Variants in DAB1 observed in about 807,000 individuals in gnomAD.
DAB1 encodes DAB adaptor protein 1, also known as disabled homolog 1.
Under a neutral mutation model 64.6 loss-of-function variants are expected in DAB1, and 15 were observed. The ratio of observed to expected loss-of-function variants is 0.23; its 90% CI spans 0.16 to 0.36. The LOEUF (loss-of-function observed/expected upper bound fraction) is 0.36. Ranked by LOEUF, DAB1 falls within the 10% of genes least tolerant of loss-of-function variation. The probability of loss-of-function intolerance (pLI) is 1.00; values close to 1 mark genes in which losing one functional copy is unlikely to be tolerated. For missense variants in DAB1, 596 were observed against 706.7 expected, an observed-to-expected ratio of 0.84 and a Z score of 1.78; for synonymous variants, 235 against 251.9, an observed-to-expected ratio of 0.93 and a Z score of 0.64.
At chr1:57,871,584 G>A (rs752210740) in intron 1 of DAB1, among the ~76,000 whole-genome samples, 5 of 152,126 alleles carry the variant, frequency 3.3e-5, no homozygotes, top group Admixed American at 1.3e-4. Flanking sequence ...GCAAAGCTGG[G>A]ATCCTAACAG....
chr1:57,432,424 AGAGAT>A (rs1685551545), intron 7 of DAB1, among the ~76,000 whole-genome samples: 1 of 152,134 alleles, frequency 6.6e-6, no homozygotes, highest in Admixed American at 6.6e-5. Flanking sequence ...ACTAGAATTT[AGAGAT>A]GGTTAGATGG....
intron 6 of DAB1, among the ~76,000 whole-genome samples, chr1:57,737,113 G>T (rs910407039): frequency 6.6e-6 from 1 of 152,214 alleles, no homozygotes; most frequent in South Asian, 2.1e-4. Context: ...GTGGCTTCCG[G>T]TGGAGGCATC....
chr1:58,226,902 C>T (rs994158685), intron 4 of DAB1, among the ~76,000 whole-genome samples: 7 of 152,104 alleles, frequency 4.6e-5, no homozygotes, highest in Admixed American at 6.5e-5. Flanking sequence ...CAATGTCTTC[C>T]GGAGGAACCC....
chr1:57,725,223 C>T lies in DAB1; in HGVS notation n.552-75558G>A, dbSNP rs148051809. 3.2e-3 allele frequency among the ~76,000 whole-genome samples: 492 copies of T among 152,304 alleles called. 3 individuals carry two copies. Among genetic ancestry groups the T allele is most frequent in the Non-Finnish European group, 5.6e-3 (383 of 68,024 alleles). On this transcript the variant is annotated intron_variant and non_coding_transcript_variant, in intron 6 of 20. Transcript: ENST00000485760. The stretch of plus-strand genomic sequence containing the variant: ...CCTATTTTCCTATCTCTATGTTTAA[C>T]AATTCTGAAATCATGCAGGAACGAT...
intron 4 of DAB1, among the ~76,000 whole-genome samples, chr1:57,119,104 A>G (rs1006346901): frequency 5.9e-5 from 9 of 152,138 alleles, no homozygotes; most frequent in African/African-American, 2.2e-4. Context: ...ACTTGTCTCA[A>G]CTGGATCTAC....
intron 5 of DAB1, among the ~76,000 whole-genome samples, chr1:57,931,552 T>G (rs1396971139): frequency 2.0e-5 from 3 of 152,186 alleles, no homozygotes; most frequent in Non-Finnish European, 2.9e-5. Flanking sequence ...CTTGGATCGA[T>G]TGTGTCTTCT....
chr1:58,394,493 A>G (rs1569723514), intron 3 of DAB1, among the ~76,000 whole-genome samples: 1 of 152,162 alleles, frequency 6.6e-6, no homozygotes, highest in Non-Finnish European at 1.5e-5. Context: ...GAATGGTTAA[A>G]TAAATTGCAG....
At chr1:58,419,702 G>C (rs1324540330) in intron 3 of DAB1, among the ~76,000 whole-genome samples, 2 of 152,210 alleles carry the variant, frequency 1.3e-5, no homozygotes. Context: ...TGGACAGTGG[G>C]AGAAAGGGAG....
At chr1:57,129,214 A>G (rs556714058) in intron 4 of DAB1, among the ~76,000 whole-genome samples, 1 of 152,274 alleles carries the variant, frequency 6.6e-6, no homozygotes, top group Non-Finnish European at 1.5e-5. Context: ...GCATTGTAAC[A>G]TCCCTTTTCC....
intron 5 of DAB1, among the ~76,000 whole-genome samples, chr1:57,945,760 G>C (rs945197313): frequency 1.3e-5 from 2 of 152,120 alleles, no homozygotes; most frequent in African/African-American, 2.4e-5. Context: ...TTTTAAGGGG[G>C]TTTTGGAATT....
chr1:57,050,900 A>T lies in DAB1; in HGVS notation c.723+11984T>A, dbSNP rs991919259. 1.1e-4 allele frequency among the ~76,000 whole-genome samples: 16 copies of T among 152,348 alleles called. No homozygotes were observed. The East Asian group carries it at 3.1e-3, about 29-fold the overall frequency. On this transcript the variant is annotated intron_variant, in intron 9 of 14. Coordinates refer to ENST00000371236, the MANE Select transcript of DAB1 (RefSeq NM_001365792.1). ...ATAGAAATTGTAAGGGAACTCAAAT[A>T]GAATAAGGGTTTCTAGCAACTGGAG...
At chr1:57,710,969 T>C (rs1055594944) in intron 6 of DAB1, among the ~76,000 whole-genome samples, 1 of 152,170 alleles carries the variant, frequency 6.6e-6, no homozygotes, top group African/African-American at 2.4e-5. Flanking sequence ...TTGGAGACAC[T>C]GGTTGTCAGA....
intron 7 of DAB1, among the ~76,000 whole-genome samples, chr1:57,568,577 C>G (rs1444870657): frequency 1.3e-5 from 2 of 152,096 alleles, no homozygotes; most frequent in East Asian, 3.9e-4. Flanking sequence ...AACAAACTTA[C>G]AAGAAAAAAA....
At chr1:57,067,383 C>T (rs538139508) in intron 8 of DAB1, among the ~76,000 whole-genome samples, 1 of 152,228 alleles carries the variant, frequency 6.6e-6, no homozygotes, top group Admixed American at 6.5e-5. Context: ...GCAGTGGGGG[C>T]TCTACCTATT....
chr1:58,399,694 A>G (rs1190267013), intron 3 of DAB1, among the ~76,000 whole-genome samples: 3 of 152,214 alleles, frequency 2.0e-5, no homozygotes, highest in African/African-American at 4.8e-5. Flanking sequence ...TGCATTAATA[A>G]TAACAACTGC....
At chr1:58,069,477 A>G (rs1260561862) in intron 5 of DAB1, among the ~76,000 whole-genome samples, 2 of 152,218 alleles carry the variant, frequency 1.3e-5, no homozygotes, top group Non-Finnish European at 2.9e-5. Context: ...CGTACCAAGA[A>G]TACATACATA....
chr1:58,146,902 A>G (rs1187462880), intron 5 of DAB1, among the ~76,000 whole-genome samples: 1 of 152,166 alleles, frequency 6.6e-6, no homozygotes, highest in African/African-American at 2.4e-5. Flanking sequence ...TGAACATGAT[A>G]TTACCTCACA....
chr1:57,981,421 C>G, intron 5 of DAB1, among the ~76,000 whole-genome samples: 1 of 152,164 alleles, frequency 6.6e-6, no homozygotes, highest in Middle Eastern at 3.4e-3. Flanking sequence ...ATTATGTTAA[C>G]AGAGTTTGAA....
At chr1:58,242,282 T>C (rs1660331003) in intron 4 of DAB1, among the ~76,000 whole-genome samples, 1 of 152,058 alleles carries the variant, frequency 6.6e-6, no homozygotes. Flanking sequence ...CCTATGTATA[T>C]GTGTGTGTGA....
Sources: gnomAD v4.1 joint callset for allele counts (sites outside exome capture counted in the v4.1 genomes callset) on GRCh38, gnomAD v4.1.1 for gene constraint, MANE v1.5 for transcripts, NCBI Gene and HGNC (gene_info 2026-07-23, HGNC 2026-07-21) for gene names.